The following TNFAIP8 variants were observed in gnomAD, a reference collection of about 807,000 sequenced individuals.
TNFAIP8 encodes tumor necrosis factor alpha-induced protein 8.
Under a neutral mutation model 13.3 loss-of-function variants are expected in TNFAIP8, and 7 were observed. The observed-to-expected ratio is 0.52, with a 90% CI of 0.30 to 0.99. The LOEUF (loss-of-function observed/expected upper bound fraction) is 0.99. Ranked by LOEUF, TNFAIP8 falls within the 50% of genes least tolerant of loss-of-function variation. TNFAIP8 has a pLI of 0.07. For missense variants in TNFAIP8, 258 were observed against 236.9 expected (o/e 1.09, Z -0.58); for synonymous variants, 94 against 87.6 (o/e 1.07, Z -0.41).
chr5:119,300,263 C>T (rs1749344768), intron 1 of TNFAIP8, among the ~76,000 whole-genome samples: 1 of 152,204 alleles, frequency 6.6e-6, no homozygotes, highest in Non-Finnish European at 1.5e-5. Flanking sequence ...CTGCCACCCC[C>T]AGTACCTTCT....
At position 119,398,935 on chromosome 5, in the gene TNFAIP8, C is replaced by A. The variant is rs1174308333; in HGVS notation, c.*5554C>A. ...TGTCAGCATCTTTTGCTGCTCTCTT[C>A]TAAGACCATTGGTTTTCACTAAAGG... On this transcript the variant is annotated 3_prime_UTR_variant, in exon 2 of 2. Coordinates refer to ENST00000504771, the MANE Select transcript of TNFAIP8 (RefSeq NM_014350.4). 1 of 152,184 alleles carries A rather than the reference C, an allele frequency of 6.6e-6. No homozygotes were observed. The highest frequency in any genetic ancestry group is 2.1e-4 in the South Asian group (1 of 4,836). 9.4% of individuals were successfully genotyped at this position (152,184 alleles called of 1,614,324 possible).
At chr5:119,359,338 A>G (rs1467129777) in intron 1 of TNFAIP8, among the ~76,000 whole-genome samples, 14 of 152,114 alleles carry the variant, frequency 9.2e-5, no homozygotes. Flanking sequence ...TTCTGAACCT[A>G]AACTCAGATC....
rs1486273746 is a variant in TNFAIP8 at position 119,398,529 on chromosome 5, A to C, written c.*5148A>C. 1 of 152,116 alleles carries C rather than the reference A, an allele frequency of 6.6e-6. No homozygotes were observed. The highest frequency in any genetic ancestry group is 2.4e-5 in the African/African-American group (1 of 41,394). 9.4% of individuals were successfully genotyped at this position (152,116 alleles called of 1,614,324 possible). A position where few individuals can be genotyped will look rare whatever the true frequency, so the allele number is the denominator to read the frequency against. On this transcript the variant is annotated 3_prime_UTR_variant, in exon 2 of 2. Transcript: ENST00000504771. Reference sequence around the variant, plus strand: ...AACCCCATCTCTACTAAAAATACAAAATTAGCCGGGTGCAGTGCCACATGC... The same window carrying C: ...AACCCCATCTCTACTAAAAATACAACATTAGCCGGGTGCAGTGCCACATGC...
In TNFAIP8 at chr5:119,389,847, C is replaced by T. The variant is rs1247994295; in HGVS notation, c.32-2969C>T. On this transcript the variant is annotated intron_variant, in intron 1 of 1. Coordinates refer to ENST00000504771, the MANE Select transcript of TNFAIP8 (RefSeq NM_014350.4). ...AGTTCCTCTAGGATAAATATGAAAGCCTCAGAGATCAACTTCTCTATCTTG... is the reference window on the plus strand; with the variant it reads ...AGTTCCTCTAGGATAAATATGAAAGTCTCAGAGATCAACTTCTCTATCTTG... Among the ~76,000 whole-genome samples the T allele has an allele frequency of 2.6e-5, 4 of 152,162 alleles. No homozygotes were observed. In the East Asian group the frequency reaches 7.7e-4, roughly 29 times the overall value.
chr5:119,285,191 A>G (rs934584879), intron 1 of TNFAIP8, among the ~76,000 whole-genome samples: 1 of 152,226 alleles, frequency 6.6e-6, no homozygotes, highest in South Asian at 2.1e-4. Context: ...GACTGGGTAT[A>G]TAATATTGCT....
chr5:119,340,466 T>C (rs1750699501), intron 1 of TNFAIP8, among the ~76,000 whole-genome samples: 1 of 152,228 alleles, frequency 6.6e-6, no homozygotes, highest in Non-Finnish European at 1.5e-5. Context: ...GAGGCCACCA[T>C]GGAGGTCCTG....
intron 1 of TNFAIP8, among the ~76,000 whole-genome samples, chr5:119,321,735 C>G (rs781690548): frequency 6.6e-6 from 1 of 152,174 alleles, no homozygotes; most frequent in Non-Finnish European, 1.5e-5. Flanking sequence ...CCTCCTAACT[C>G]CCCTGTGCTC....
At chr5:119,362,581 A>G (rs1048529205) in intron 1 of TNFAIP8, among the ~76,000 whole-genome samples, 1 of 151,906 alleles carries the variant, frequency 6.6e-6, no homozygotes, top group Admixed American at 6.6e-5. Context: ...GGGTCAGTTG[A>G]CCCCAGGAGT....
chr5:119,271,989 T>C (rs1391083462), intron 1 of TNFAIP8, among the ~76,000 whole-genome samples: 1 of 152,216 alleles, frequency 6.6e-6, no homozygotes, highest in Non-Finnish European at 1.5e-5. Flanking sequence ...GTTTCTAGGC[T>C]TCTATACTTC....
At chr5:119,275,578 C>T (rs1748417029) in intron 1 of TNFAIP8, among the ~76,000 whole-genome samples, 2 of 152,016 alleles carry the variant, frequency 1.3e-5, no homozygotes, top group South Asian at 4.1e-4. Context: ...CAGAGTGTCC[C>T]TCTCATTTTG....
chr5:119,325,849 C>T (rs745864083), intron 1 of TNFAIP8, among the ~76,000 whole-genome samples: 2 of 152,226 alleles, frequency 1.3e-5, no homozygotes, highest in Non-Finnish European at 2.9e-5. Flanking sequence ...CTTGTCCTGT[C>T]TCGGGCTGTA....
intron 1 of TNFAIP8, among the ~76,000 whole-genome samples, chr5:119,374,101 C>A (rs1419225107): frequency 1.3e-5 from 2 of 151,890 alleles, no homozygotes; most frequent in East Asian, 1.9e-4. Flanking sequence ...TTTTTTAATA[C>A]AAATACATTA....
chr5:119,318,650 AG>A (rs199687979), intron 1 of TNFAIP8, among the ~76,000 whole-genome samples: 1,194 of 56,516 alleles, frequency 0.021, 8 homozygotes, highest in African/African-American at 0.061. Flanking sequence ...ATAGTTTTTC[AG>A]TTTTTTTTCT....
At chr5:119,313,421 C>T (rs1749792923) in intron 1 of TNFAIP8, among the ~76,000 whole-genome samples, 1 of 152,120 alleles carries the variant, frequency 6.6e-6, no homozygotes, top group South Asian at 2.1e-4. Flanking sequence ...GTAGGTTTTG[C>T]TTTCACTTTC....
intron 1 of TNFAIP8, among the ~76,000 whole-genome samples, chr5:119,274,230 G>A (rs946824599): frequency 2.0e-5 from 3 of 152,176 alleles, no homozygotes; most frequent in African/African-American, 4.8e-5. Flanking sequence ...TGCATGGACA[G>A]TGTTGGCAAC....
chr5:119,333,369 C>A, intron 1 of TNFAIP8: 1 of 1,312,006 alleles, frequency 7.6e-7, no homozygotes, highest in Non-Finnish European at 9.7e-7. Context: ...GAATAACAAG[C>A]AAGACAACTT....
chr5:119,361,683 G>A (rs1751642816), intron 1 of TNFAIP8, among the ~76,000 whole-genome samples: 1 of 152,200 alleles, frequency 6.6e-6, no homozygotes, highest in Non-Finnish European at 1.5e-5. Context: ...TGAATAAGCA[G>A]CTCATGAATT....
chr5:119,313,525 T>C (rs369585600), intron 1 of TNFAIP8, among the ~76,000 whole-genome samples: 1 of 152,232 alleles, frequency 6.6e-6, no homozygotes, highest in African/African-American at 2.4e-5. Flanking sequence ...CTTTGACATT[T>C]TCTTTTATTT....
At chr5:119,355,467 G>T, upstream of TNFAIP8, 1 of 659,322 alleles carries the variant, frequency 1.5e-6, no homozygotes, top group Admixed American at 2.2e-5. Context: ...CTCTTAAGCT[G>T]GTCCTTGCAA....
Sources: allele counts gnomAD v4.1 joint callset (sites outside exome capture counted in the v4.1 genomes callset), GRCh38; gene constraint gnomAD v4.1.1; transcripts MANE v1.5; gene names NCBI Gene and HGNC (gene_info 2026-07-23, HGNC 2026-07-21).